Variants in ITGB4 observed in about 807,000 individuals in gnomAD.
ITGB4 encodes integrin beta-4.
In ITGB4, 159 loss-of-function variants were observed where a neutral mutation model predicts 207.6. The observed-to-expected ratio is 0.77, with a 90% CI of 0.67 to 0.87. The LOEUF is 0.87. ITGB4 is among the 40% of genes least tolerant of loss of function. ITGB4 has a pLI of 0.00. For missense variants in ITGB4, 2,278 were observed against 2,546.8 expected (o/e 0.89, Z 2.27); for synonymous variants, 1,020 against 1,062.7 (o/e 0.96, Z 0.78).
In ITGB4 at chr17:75,752,468, T is replaced by C; in HGVS notation, c.3999T>C (p.Pro1333=). ...PMSIPIIPDI[P]IVDAQSGEDY... is the part of the protein sequence containing the mutation. ...CAGTCCCCATCATCCCTGACATCCC[T>C]ATCGTGGACGCCCAGAGCGGGGAGG... Residue 1333 remains proline (P), a synonymous_variant, in exon 32 of 40, where the codon CCT becomes CCC. Transcript: ENST00000200181. 1 of 1,613,576 alleles carries C rather than the reference T, an allele frequency of 6.2e-7. No homozygotes were observed. Among genetic ancestry groups the C allele is most frequent in the Non-Finnish European group, 8.5e-7 (1 of 1,180,004 alleles).
In ITGB4 at chr17:75,739,332, G is replaced by A. The variant is rs1372727025; in HGVS notation, c.2221-340G>A. ...AAGAAAAGAAACAAGTTTCTTCTCT[G>A]CAGGACTTCTCAGAGGCTTTGATAA... On this transcript the variant is annotated intron_variant, in intron 18 of 39. Coordinates refer to ENST00000200181, the MANE Select transcript of ITGB4 (RefSeq NM_000213.5). The surrounding 1 kb of genome is among the most constrained non-coding windows in gnomAD (Gnocchi z 5.4). Among the ~76,000 whole-genome samples, 10 of 151,418 alleles carry A rather than the reference G, an allele frequency of 6.6e-5. No individual in the cohort carries two copies. Among genetic ancestry groups the A allele is most frequent in the Admixed American group, 5.9e-4 (9 of 15,200 alleles).
intron 8 of ITGB4, 151 bp from the exon 9 acceptor site, chr17:75,730,724 C>A: frequency 2.0e-6 from 2 of 977,494 alleles, no homozygotes; most frequent in Non-Finnish European, 3.2e-6. Context: ...TCCACCCCAA[C>A]TCCCAAGCAG....
chr17:75,748,082 G>A (rs1396686548), intron 26 of ITGB4, among the ~76,000 whole-genome samples: 3 of 151,410 alleles, frequency 2.0e-5, no homozygotes, highest in African/African-American at 4.8e-5. Context: ...GCACTGAAAG[G>A]AAGATGGGTG....
chr17:75,730,331 C>G lies in ITGB4; in HGVS notation c.829C>G (p.Leu277Val). 1 of 1,613,868 alleles carries G rather than the reference C, an allele frequency of 6.2e-7. No individual in the cohort carries two copies. Among genetic ancestry groups the G allele is most frequent in the Non-Finnish European group, 8.5e-7 (1 of 1,180,026 alleles). Residue 277 changes from leucine (L) to valine (V), a missense_variant, in exon 8 of 40, where the codon CTG (leucine) becomes GTG (valine). Leu to Val is a conservative substitution (Grantham distance 32). Coordinates refer to ENST00000200181, the MANE Select transcript of ITGB4 (RefSeq NM_000213.5). The stretch of plus-strand genomic sequence containing the variant: ...CTATGAGGCTGATGGCGCCAACGTG[C>G]TGGCTGGCATCATGAGCCGCAACGA... ...FHYEADGANV[L>V]AGIMSRNDER...
rs200013889 is a variant in ITGB4, at chr17:75,743,845, C to T, written c.3095C>T (p.Thr1032Ile). The T allele has an allele frequency of 1.9e-6, 3 of 1,596,106 alleles. No homozygotes were observed. In the East Asian group the frequency reaches 6.9e-5, roughly 37 times the overall value. The change falls in exon 26 of 40, where the codon ACC becomes ATC. Residue 1032 changes from threonine to isoleucine, a missense_variant. By Grantham distance (89) the Thr-to-Ile change is moderately conservative. Transcript: ENST00000200181. ...SQVSYRTQDG[T>I]AQGNRDYIPV... ...GTCTCCTACCGCACACAGGATGGCACCGCGCAGGGCAACCGGGTGAGGCTG... is the reference window on the plus strand; with the variant it reads ...GTCTCCTACCGCACACAGGATGGCATCGCGCAGGGCAACCGGGTGAGGCTG...
At chr17:75,725,606 A>C (rs1599210860) in intron 2 of ITGB4, among the ~76,000 whole-genome samples, 1 of 152,254 alleles carries the variant, frequency 6.6e-6, no homozygotes, top group Non-Finnish European at 1.5e-5. Flanking sequence ...GAGCCATCGC[A>C]CTGGCCACCA....
intron 26 of ITGB4, among the ~76,000 whole-genome samples, chr17:75,744,911 G>A (rs2061199838): frequency 6.6e-6 from 1 of 150,958 alleles, no homozygotes; most frequent in Admixed American, 6.6e-5. Context: ...TTACAGGAGT[G>A]AGCTACCACG....
At chr17:75,735,892 G>A (rs2060963633) in intron 13 of ITGB4, among the ~76,000 whole-genome samples, 159 bp from the exon 14 acceptor site, 1 of 152,172 alleles carries the variant, frequency 6.6e-6, no homozygotes, top group Non-Finnish European at 1.5e-5. Context: ...ATGGAGGGAA[G>A]GAGATTCCAG....
intron 18 of ITGB4, 28 bp downstream of exon 18, chr17:75,737,672 C>A (rs375270587): frequency 3.1e-6 from 5 of 1,590,640 alleles, no homozygotes; most frequent in Non-Finnish European, 4.3e-6. Context: ...CTCCCAAGGC[C>A]CCACATCCCA....
chr17:75,744,477 C>T (rs2061191464), intron 26 of ITGB4, among the ~76,000 whole-genome samples: 1 of 152,156 alleles, frequency 6.6e-6, no homozygotes, highest in South Asian at 2.1e-4. Flanking sequence ...TTCCTGTCCC[C>T]TCCTACAACT....
intron 23 of ITGB4, chr17:75,741,237 A>G: frequency 1.6e-6 from 1 of 621,576 alleles, no homozygotes; most frequent in South Asian, 1.8e-5. Context: ...AAGCAAATCA[A>G]CCCAGTCCCT....
chr17:75,730,277 C>T lies in ITGB4; in HGVS notation c.775C>T (p.Leu259=). ...CTGGCGCCCGGACAGCACCCACCTG[C>T]TGGTCTTCTCCACCGAGTCAGCCTT... ...IGWRPDSTHL[L]VFSTESAFHY... Residue 259 remains leucine (L), a synonymous_variant, in exon 8 of 40, where the codon CTG becomes TTG. Transcript: ENST00000200181. 1 of 1,613,326 alleles carries T rather than the reference C, an allele frequency of 6.2e-7. No individual in the cohort carries two copies. The highest frequency in any genetic ancestry group is 8.5e-7 in the Non-Finnish European group (1 of 1,180,000).
rs747342875 is a variant in ITGB4 at position 75,749,064 on chromosome 17, T to C, written c.3316+19T>C. The stretch of plus-strand genomic sequence containing the variant: ...GACCCAGGTAGGCAGAGCCTGGGGG[T>C]CGGCTTAAGCAGGAGGAGAGGGAAG... On this transcript the variant is annotated intron_variant, in intron 27 of 39. Coordinates refer to ENST00000200181, the MANE Select transcript of ITGB4 (RefSeq NM_000213.5). 1 of 1,599,778 alleles carries C rather than the reference T, an allele frequency of 6.3e-7. No individual in the cohort carries two copies. Among genetic ancestry groups the C allele is most frequent in the Non-Finnish European group, 8.5e-7 (1 of 1,175,090 alleles).
In ITGB4 at chr17:75,736,111, G is replaced by C. The variant is rs780108176; in HGVS notation, c.1718G>C (p.Cys573Ser). 6.2e-7 allele frequency: 1 copy of C among 1,614,072 alleles called. No homozygotes were observed. Among genetic ancestry groups the C allele is most frequent in the African/African-American group, 1.3e-5 (1 of 74,930 alleles). The change falls in exon 14 of 40, where the codon TGT (cysteine) becomes TCT (serine). Residue 573 changes from cysteine (C) to serine (S), a missense_variant. By Grantham distance (112) the Cys-to-Ser change is moderately radical. Coordinates refer to ENST00000200181, the MANE Select transcript of ITGB4 (RefSeq NM_000213.5). ...GAGCCTGGTTGGACAGGCCCAAGCT[G>C]TGACTGTCCCCTCAGCAATGCCACC... Reference protein sequence around the residue: ...VCEPGWTGPSCDCPLSNATCI... With the variant: ...VCEPGWTGPSSDCPLSNATCI...
intron 34 of ITGB4, chr17:75,755,250 CCTG>C: frequency 1.3e-6 from 2 of 1,582,872 alleles, no homozygotes; most frequent in Non-Finnish European, 1.7e-6. Flanking sequence ...CCACAGCTGT[CCTG>C]CTCCATCTGT....
chr17:75,750,757 C>A lies in ITGB4; in HGVS notation c.3552C>A (p.Thr1184=). ...GCAAGGTGCCCTCAGTGGAGCTCAC[C>A]AACCTGTACCCGTATTGCGACTATG... is the stretch of plus-strand genomic sequence containing the variant. The part of the protein sequence containing the change: ...LDSKVPSVEL[T]NLYPYCDYEM... Residue 1184 remains threonine (T), a synonymous_variant, in exon 29 of 40, where the codon ACC becomes ACA. Coordinates refer to ENST00000200181, the MANE Select transcript of ITGB4 (RefSeq NM_000213.5). This position sits in a 1 kb window ranked among gnomAD's most constrained non-coding sequence, Gnocchi z 5.5. 1 of 1,613,556 alleles carries A rather than the reference C, an allele frequency of 6.2e-7. No homozygotes were observed. Among genetic ancestry groups the A allele is most frequent in the Non-Finnish European group, 8.5e-7 (1 of 1,180,008 alleles).
chr17:75,732,367 A>T lies in ITGB4; in HGVS notation c.1454+128A>T, dbSNP rs994755832. The T allele has an allele frequency of 5.7e-6, 5 of 882,722 alleles. No individual in the cohort carries two copies. In the African/African-American group the frequency reaches 8.2e-5, roughly 15 times the overall value. 54.7% of individuals were successfully genotyped at this position (882,722 alleles called of 1,614,324 possible). ...CTGGGGGTGGGGCGGCAATCAAAGA[A>T]ACGGCTAAGGGCGGGGCACACCCAG... On this transcript the variant is annotated intron_variant, in intron 12 of 39. Transcript: ENST00000200181. This position sits in a 1 kb window ranked among gnomAD's most constrained non-coding sequence, Gnocchi z 5.3.
chr17:75,731,531 T>C lies in ITGB4; in HGVS notation c.1215+163T>C, dbSNP rs2060858661. 6.6e-6 allele frequency among the ~76,000 whole-genome samples: 1 copy of C among 152,122 alleles called. No individual in the cohort carries two copies. Among genetic ancestry groups the C allele is most frequent in the Non-Finnish European group, 1.5e-5 (1 of 68,014 alleles). On this transcript the variant is annotated intron_variant, in intron 10 of 39. Coordinates refer to ENST00000200181, the MANE Select transcript of ITGB4 (RefSeq NM_000213.5). This position sits in a 1 kb window ranked among gnomAD's most constrained non-coding sequence, Gnocchi z 6.8. The stretch of plus-strand genomic sequence containing the variant: ...GGATGAGCCTAGGTTGCTCCTCTGC[T>C]TGTTGGTTTCCTCGGCATGCAAGCG...
chr17:75,754,005 G>A (rs1001464209), intron 33 of ITGB4, 31 bp downstream of exon 33: 21 of 1,002,428 alleles, frequency 2.1e-5, no homozygotes, highest in Non-Finnish European at 2.7e-5. Flanking sequence ...CCCCCGATCC[G>A]CGCCCACCCA....
Sources: gnomAD v4.1 joint callset for allele counts (sites outside exome capture counted in the v4.1 genomes callset) on GRCh38, gnomAD v4.1.1 for gene constraint, Gnocchi (gnomAD v3.1) non-coding constraint, MANE v1.5 for transcripts, NCBI Gene and HGNC (gene_info 2026-07-23, HGNC 2026-07-21) for gene names.